The following MYDGF variants were observed in gnomAD, a reference collection of about 807,000 sequenced individuals.
MYDGF encodes the protein myeloid derived growth factor, also known as myeloid-derived growth factor.
A neutral mutation model predicts 24.2 loss-of-function variants in MYDGF; 29 were observed. That is an observed-to-expected ratio of 1.20 (90% CI 0.89 to 1.63). MYDGF has a LOEUF of 1.63. Among genes scored for constraint, MYDGF ranks in the 40% most tolerant of loss-of-function variants. The probability of loss-of-function intolerance (pLI) is 0.00; values close to 1 mark genes in which losing one functional copy is unlikely to be tolerated. For synonymous variants in MYDGF, 105 were observed against 102.5 expected (o/e 1.02, Z -0.15); for missense variants, 245 against 234.8 (o/e 1.04, Z -0.29).
chr19:4,658,744 C>T (rs2088444685), intron 5 of MYDGF, among the ~76,000 whole-genome samples: 1 of 152,166 alleles, frequency 6.6e-6, no homozygotes, highest in South Asian at 2.1e-4. Context: ...ATGCCACAGT[C>T]CCAACCTCAA....
intron 3 of MYDGF, 50 bp from the exon 4 acceptor site, chr19:4,660,800 G>A: frequency 1.3e-6 from 2 of 1,542,620 alleles, no homozygotes; most frequent in Non-Finnish European, 8.9e-7. Flanking sequence ...GCTGGGTCTG[G>A]GTCTGTGTGC....
intron 1 of MYDGF, among the ~76,000 whole-genome samples, chr19:4,669,819 C>A (rs868441748): frequency 9.9e-5 from 15 of 152,250 alleles, no homozygotes; most frequent in African/African-American, 3.6e-4. Context: ...TGCCCTTTAG[C>A]CTCCTGCCGC....
chr19:4,664,152 G>T (rs1319665141), intron 3 of MYDGF, among the ~76,000 whole-genome samples: 1 of 152,092 alleles, frequency 6.6e-6, no homozygotes. Flanking sequence ...GGAGGGGGAT[G>T]CGTGGCTGCC....
At position 4,657,594 on chromosome 19, in the gene MYDGF, C is replaced by T. The variant is rs1381576873; in HGVS notation, c.*411G>A. The T allele has an allele frequency of 6.3e-6, 1 of 157,686 alleles. No individual in the cohort carries two copies. Among genetic ancestry groups the T allele is most frequent in the Non-Finnish European group, 1.4e-5 (1 of 71,750 alleles). 9.8% of individuals were successfully genotyped at this position (157,686 alleles called of 1,614,324 possible). A position where few individuals can be genotyped will look rare whatever the true frequency, so the allele number is the denominator to read the frequency against. ...TTAAATATGAAAAAACATTTCATCTCTTCCCAGTTCATCTGAAAGGAGGTC... is the reference window on the plus strand; with the variant it reads ...TTAAATATGAAAAAACATTTCATCTTTTCCCAGTTCATCTGAAAGGAGGTC... On this transcript the variant is annotated 3_prime_UTR_variant, in exon 6 of 6. Transcript: ENST00000262947.
At chr19:4,665,031 T>G in intron 2 of MYDGF, 94 bp from the exon 3 acceptor site, 1 of 1,350,644 alleles carries the variant, frequency 7.4e-7, no homozygotes. Flanking sequence ...AGGCCACCTC[T>G]TCTGTACCTC....
Position 4,664,969 on chromosome 19 carries a change from G to A in MYDGF, c.226-32C>T, listed in dbSNP as rs778845255. The A allele has an allele frequency of 1.3e-5, 21 of 1,606,982 alleles. No individual in the cohort carries two copies. The East Asian group carries it at 1.8e-4, about 14-fold the overall frequency. On this transcript the variant is annotated intron_variant, in intron 2 of 5. Coordinates refer to ENST00000262947, the MANE Select transcript of MYDGF (RefSeq NM_019107.4). Reference sequence around the variant, plus strand: ...AGAGAAGACAGCGCGGGTCAGCCCCGGACACACAGCTGCTCTCGGAGACTT... The same window carrying A: ...AGAGAAGACAGCGCGGGTCAGCCCCAGACACACAGCTGCTCTCGGAGACTT...
At chr19:4,660,937 A>G (rs1172162497) in intron 3 of MYDGF, among the ~76,000 whole-genome samples, 187 bp from the exon 4 acceptor site, 1 of 149,750 alleles carries the variant, frequency 6.7e-6, no homozygotes, top group Non-Finnish European at 1.5e-5. Context: ...CCCTCTCAAC[A>G]GCAGACCCTC....
intron 3 of MYDGF, 150 bp downstream of exon 3, chr19:4,664,726 C>T (rs2088507079): frequency 4.8e-6 from 4 of 827,134 alleles, no homozygotes; most frequent in South Asian, 3.6e-5. Context: ...GCGACCCTGC[C>T]ACCCCCCACC....
intron 3 of MYDGF, 62 bp downstream of exon 3, chr19:4,664,814 C>T: frequency 6.4e-7 from 1 of 1,573,840 alleles, no homozygotes; most frequent in Non-Finnish European, 8.7e-7. Flanking sequence ...TCCAAAGCAG[C>T]TCCTGAGGCC....
At chr19:4,659,513 C>T (rs773188661) in intron 5 of MYDGF, among the ~76,000 whole-genome samples, 13 of 152,028 alleles carry the variant, frequency 8.6e-5, no homozygotes, top group Non-Finnish European at 1.5e-4. Context: ...CGTGAGCCAC[C>T]GCACCCAGCC....
intron 2 of MYDGF, among the ~76,000 whole-genome samples, chr19:4,667,379 C>T (rs911068958): frequency 6.6e-6 from 1 of 152,064 alleles, no homozygotes; most frequent in African/African-American, 2.4e-5. Context: ...CCACCCGCCT[C>T]GGCCTCCCAA....
chr19:4,665,161 T>C (rs2145187517), intron 2 of MYDGF, among the ~76,000 whole-genome samples: 1 of 152,358 alleles, frequency 6.6e-6, no homozygotes, highest in East Asian at 1.9e-4. Context: ...GTGGTGCCTC[T>C]AATGAGAACT....
chr19:4,657,974 G>T lies in MYDGF; in HGVS notation c.*31C>A. ...AGGCCCCTTCAGCTTCACCGGAGATGAGAAGGTGCCACCCGCAACAGGGCT... is the reference window on the plus strand; with the variant it reads ...AGGCCCCTTCAGCTTCACCGGAGATTAGAAGGTGCCACCCGCAACAGGGCT... On this transcript the variant is annotated 3_prime_UTR_variant, in exon 6 of 6. Transcript: ENST00000262947. The T allele has an allele frequency of 6.3e-7, 1 of 1,584,312 alleles. No homozygotes were observed.
intron 5 of MYDGF, 119 bp downstream of exon 5, chr19:4,659,812 G>A (rs769508239): frequency 2.4e-6 from 2 of 843,924 alleles, no homozygotes; most frequent in Admixed American, 1.9e-5. Context: ...ATCAGTTTGT[G>A]GATGCCTGGT....
intron 3 of MYDGF, 31 bp from the exon 4 acceptor site, chr19:4,660,781 G>A (rs2088464427): frequency 2.5e-6 from 4 of 1,596,452 alleles, no homozygotes; most frequent in African/African-American, 2.7e-5. Flanking sequence ...AGGGAGTCAG[G>A]CCAGGCCTGC....
intron 3 of MYDGF, among the ~76,000 whole-genome samples, chr19:4,661,804 C>T (rs922498989): frequency 1.6e-4 from 25 of 152,166 alleles, no homozygotes; most frequent in Non-Finnish European, 3.4e-4. Flanking sequence ...GGCAGGTCTC[C>T]GGGGCTGAGC....
chr19:4,665,176 C>G (rs1247636000), intron 2 of MYDGF, among the ~76,000 whole-genome samples: 1 of 152,210 alleles, frequency 6.6e-6, no homozygotes, highest in African/African-American at 2.4e-5. Flanking sequence ...AGAACTACCC[C>G]AAAGTGGCTC....
intron 5 of MYDGF, among the ~76,000 whole-genome samples, chr19:4,659,236 C>T (rs570356520): frequency 4.6e-5 from 7 of 151,966 alleles, no homozygotes; most frequent in African/African-American, 9.7e-5. Flanking sequence ...CCACCATGCC[C>T]GGCTAATTTT....
chr19:4,661,212 C>T (rs2088468687), intron 3 of MYDGF, among the ~76,000 whole-genome samples: 1 of 152,086 alleles, frequency 6.6e-6, no homozygotes, highest in African/African-American at 2.4e-5. Context: ...GTGATCCACT[C>T]GCCTCAGCCT....
Sources: allele counts gnomAD v4.1 joint callset (sites outside exome capture counted in the v4.1 genomes callset), GRCh38; gene constraint gnomAD v4.1.1; transcripts MANE v1.5; gene names NCBI Gene and HGNC (gene_info 2026-07-23, HGNC 2026-07-21).